ADAMTS13: variants seen among roughly 807,000 people sequenced by gnomAD.
ADAMTS13 encodes the protein A disintegrin and metalloproteinase with thrombospondin motifs 13.
Under a neutral mutation model 155.1 loss-of-function variants are expected in ADAMTS13, and 110 were observed. That is an observed-to-expected ratio of 0.71 (90% CI 0.61 to 0.83). The LOEUF (loss-of-function observed/expected upper bound fraction) is 0.83, where lower values mean the gene tolerates loss of function less well. Among genes scored for constraint, ADAMTS13 ranks in the 40% least tolerant of loss-of-function variants. The probability of loss-of-function intolerance (pLI) is 0.00; values close to 1 mark genes in which losing one functional copy is unlikely to be tolerated. For missense variants in ADAMTS13, 1,707 were observed against 1,891.7 expected (o/e 0.90, Z 1.81); for synonymous variants, 758 against 756.4 (o/e 1.00, Z -0.03).
chr9:133,429,906 ACTGAGCCGGGC>A lies in ADAMTS13; in HGVS notation c.825-19_825-9del, dbSNP rs782170431. On this transcript the variant is annotated intron_variant, in intron 7 of 28. Coordinates refer to ENST00000355699, the MANE Select transcript of ADAMTS13 (RefSeq NM_139027.6). ...GCCTCCTCCCGGTGTACACCCCGGG[ACTGAGCCGGGC>A]CTGAGCCGGGCCTTGTCGCAGCGCA... is the stretch of plus-strand genomic sequence containing the variant. 4.8e-5 allele frequency: 74 copies of A among 1,534,286 alleles called. 1 individual carries two copies. The Admixed American group carries it at 5.1e-4, about 11-fold the overall frequency.
In ADAMTS13 at chr9:133,425,309, T is replaced by C. The variant is rs36218898; in HGVS notation, c.331-220T>C. Among the ~76,000 whole-genome samples, 552 of 152,304 alleles carry C rather than the reference T, an allele frequency of 3.6e-3. 3 individuals carry two copies. The highest frequency in any genetic ancestry group is 0.013 in the African/African-American group (521 of 41,564). ...CCCTTGCTTTGGAGTTTGTTTTCCT[T>C]GCGTTAGTTGGCCTTCCTGAGCCAT... On this transcript the variant is annotated intron_variant, in intron 3 of 28. Coordinates refer to ENST00000355699, the MANE Select transcript of ADAMTS13 (RefSeq NM_139027.6). This position sits in a 1 kb window ranked among gnomAD's most constrained non-coding sequence, Gnocchi z 4.6.
chr9:133,418,137 T>C, upstream of ADAMTS13: 1 of 445,852 alleles, frequency 2.2e-6, no homozygotes, highest in Non-Finnish European at 4.0e-6. Context: ...GCCGCCGCCT[T>C]AGCCAGCGGC....
chr9:133,437,807 T>G lies in ADAMTS13; in HGVS notation c.1494T>G (p.Arg498=). 6.2e-7 allele frequency: 1 copy of G among 1,614,004 alleles called. No individual in the cohort carries two copies. The highest frequency in any genetic ancestry group is 2.2e-5 in the East Asian group (1 of 44,876). Residue 498 remains arginine (R), a synonymous_variant, in exon 13 of 29, where the codon CGT becomes CGG. Coordinates refer to ENST00000355699, the MANE Select transcript of ADAMTS13 (RefSeq NM_139027.6). ...RAIGESFIMK[R]GDSFLDGTRC... ...TTGGCGAGAGCTTCATCATGAAGCG[T>G]GGAGACAGCTTCCTCGATGGGACCC...
At chr9:133,450,716 C>A (rs1842386129) in intron 23 of ADAMTS13, among the ~76,000 whole-genome samples, 1 of 152,214 alleles carries the variant, frequency 6.6e-6, no homozygotes, top group South Asian at 2.1e-4. Context: ...GCCGCTGGCA[C>A]TCCAGCCTGG....
In ADAMTS13 at chr9:133,433,227, G is replaced by A. The variant is rs117724903; in HGVS notation, c.1093-151G>A. On this transcript the variant is annotated intron_variant, in intron 9 of 28. Transcript: ENST00000355699. Reference sequence around the variant, plus strand: ...TGTGTGTTGGGGGATCCCTATGGGTGAGTTCCTTGTGTGTGTTTGGGGGTC... The same window carrying A: ...TGTGTGTTGGGGGATCCCTATGGGTAAGTTCCTTGTGTGTGTTTGGGGGTC... The A allele has an allele frequency of 4.6e-3, 4,794 of 1,033,568 alleles. 182 individuals carry two copies. In the East Asian group the frequency reaches 0.092, roughly 20 times the overall value. 64.0% of individuals were successfully genotyped at this position (1,033,568 alleles called of 1,614,324 possible). A position where few individuals can be genotyped will look rare whatever the true frequency, so the allele number is the denominator to read the frequency against.
Position 133,426,351 on chromosome 9 carries a change from T to G in ADAMTS13, c.686+6T>G. On this transcript the variant is annotated splice_donor_region_variant and intron_variant, in intron 6 of 28. Coordinates refer to ENST00000355699, the MANE Select transcript of ADAMTS13 (RefSeq NM_139027.6). ...GCCCATGAGATTGGGCACAGGTATG[T>G]AGCCCCACCAGCTGTCCCCAGGATC... The G allele has an allele frequency of 6.3e-7, 1 of 1,599,842 alleles. No homozygotes were observed. Among genetic ancestry groups the G allele is most frequent in the Non-Finnish European group, 8.5e-7 (1 of 1,179,922 alleles).
At chr9:133,422,934 CTTT>C (rs71281254) in intron 1 of ADAMTS13, among the ~76,000 whole-genome samples, 164 bp from the exon 2 acceptor site, 9 of 93,218 alleles carry the variant, frequency 9.7e-5, no homozygotes, top group Middle Eastern at 6.7e-3. Context: ...CTCTCTCTCT[CTTT>C]TTTTTTTTTT....
chr9:133,433,580 C>T, intron 10 of ADAMTS13, 51 bp downstream of exon 10: 1 of 1,613,700 alleles, frequency 6.2e-7, no homozygotes, highest in Non-Finnish European at 8.5e-7. Flanking sequence ...ATACCATAGT[C>T]CCTAGTTGAA....
Position 133,429,972 on chromosome 9 carries a change from G to T in ADAMTS13, c.858G>T (p.Pro286=). The T allele has an allele frequency of 1.9e-6, 3 of 1,544,220 alleles. No individual in the cohort carries two copies. The highest frequency in any genetic ancestry group is 2.6e-6 in the Non-Finnish European group (3 of 1,149,488). Residue 286 remains proline, a synonymous_variant, in exon 8 of 29, where the codon CCG becomes CCT. Transcript: ENST00000355699. ...GGGCGCGCTGCGTGTGGGACCCGCC[G>T]CGGCCTCAACCCGGGTCCGCGGGGC... ...AGRARCVWDP[P]RPQPGSAGHP...
rs1554796199 is a variant in ADAMTS13, at chr9:133,456,812, G to A, written c.3724+93G>A. On this transcript the variant is annotated intron_variant, in intron 27 of 28. Transcript: ENST00000355699. This position sits in a 1 kb window ranked among gnomAD's most constrained non-coding sequence, Gnocchi z 4.4. ...CTGGGGATGGGGCCAGTCCCAGTGG[G>A]GCAGTGGGAAGATACGGAGGGAACT... is the stretch of plus-strand genomic sequence containing the variant. 1 of 1,448,080 alleles carries A rather than the reference G, an allele frequency of 6.9e-7. No individual in the cohort carries two copies. The allele number at this position is 1,448,080 out of a possible 1,614,324, so 89.7% of individuals were successfully genotyped here.
intron 1 of ADAMTS13, chr9:133,414,794 T>G: frequency 1.9e-6 from 3 of 1,614,180 alleles, no homozygotes; most frequent in Non-Finnish European, 2.5e-6. Context: ...TCCACTGGCC[T>G]TGGTGCGAGG....
chr9:133,425,155 T>C lies in ADAMTS13; in HGVS notation c.331-374T>C, dbSNP rs1002818577. ...GCCTGGCCAACATGGTGAAACCCCG[T>C]AGCTACTAAAAATACAAAACTTAGC... is the stretch of plus-strand genomic sequence containing the variant. On this transcript the variant is annotated intron_variant, in intron 3 of 28. Coordinates refer to ENST00000355699, the MANE Select transcript of ADAMTS13 (RefSeq NM_139027.6). The surrounding 1 kb of genome is among the most constrained non-coding windows in gnomAD (Gnocchi z 4.6). Among the ~76,000 whole-genome samples the C allele has an allele frequency of 2.0e-5, 3 of 152,182 alleles. No homozygotes were observed. Among genetic ancestry groups the C allele is most frequent in the African/African-American group, 7.2e-5 (3 of 41,448 alleles).
In ADAMTS13 at chr9:133,438,288, G is replaced by A. The variant is rs1841401892; in HGVS notation, c.1627G>A (p.Asp543Asn). Reference sequence around the variant, plus strand: ...TAGGATGGACTCCCAGCAGGTATGGGACAGGTGCCAGGTGTGTGGTGGGGA... The same window carrying A: ...TAGGATGGACTCCCAGCAGGTATGGAACAGGTGCCAGGTGTGTGGTGGGGA... The part of the protein sequence containing the change: ...DGRMDSQQVW[D>N]RCQVCGGDNS... Residue 543 changes from aspartate (D) to asparagine (N), a missense_variant, in exon 14 of 29, where the codon GAC (aspartate) becomes AAC (asparagine). Physicochemically the swap from Asp to Asn is conservative, Grantham distance 23 (BLOSUM62 1). Around this residue, in one of 3 missense-constraint regions of ADAMTS13, gnomAD observed 13 missense variants for 34.2 expected, o/e 0.38. Coordinates refer to ENST00000355699, the MANE Select transcript of ADAMTS13 (RefSeq NM_139027.6). 1 of 1,614,020 alleles carries A rather than the reference G, an allele frequency of 6.2e-7. No individual in the cohort carries two copies. Among genetic ancestry groups the A allele is most frequent in the South Asian group, 1.1e-5 (1 of 91,082 alleles).
At position 133,456,199 on chromosome 9, in the gene ADAMTS13, T is replaced by C. The variant is rs782703594; in HGVS notation, c.3531T>C (p.Ser1177=). 3 of 1,613,546 alleles carry C rather than the reference T, an allele frequency of 1.9e-6. No individual in the cohort carries two copies. Among genetic ancestry groups the C allele is most frequent in the Non-Finnish European group, 2.5e-6 (3 of 1,180,026 alleles). Residue 1177 remains serine (S), a synonymous_variant, in exon 26 of 29, where the codon TCT becomes TCC. Transcript: ENST00000355699. This position sits in a 1 kb window ranked among gnomAD's most constrained non-coding sequence, Gnocchi z 4.4. ...TGACCCTCCGCGTCCTTGAGAGTTC[T>C]CTCAACTGCAGTGCGGGTATGTCTA... ...EVVTLRVLES[S]LNCSAGDMLL...
chr9:133,449,705 A>G, intron 22 of ADAMTS13, 78 bp from the exon 23 acceptor site: 1 of 1,534,752 alleles, frequency 6.5e-7, no homozygotes, highest in Non-Finnish European at 9.0e-7. Context: ...TAGTCTGGGG[A>G]AATGAAGGGG....
chr9:133,414,649 G>C (rs1554781088), intron 1 of ADAMTS13: 1 of 1,611,580 alleles, frequency 6.2e-7, no homozygotes, highest in Non-Finnish European at 8.5e-7. Context: ...TCAGTGGTGA[G>C]GTGGCCCATA....
At chr9:133,453,661 CAAAG>C (rs1842572962) in intron 23 of ADAMTS13, among the ~76,000 whole-genome samples, 1 of 152,092 alleles carries the variant, frequency 6.6e-6, no homozygotes, top group Admixed American at 6.5e-5. Context: ...GACCGTGTCT[CAAAG>C]AAAACCATTA....
At chr9:133,417,736 A>G, upstream of ADAMTS13, 1 of 1,613,492 alleles carries the variant, frequency 6.2e-7, no homozygotes. Context: ...CTTTTCCAAA[A>G]CCTTTTTTTC....
upstream of ADAMTS13, chr9:133,417,645 GAA>G (rs1299188148): frequency 1.1e-5 from 18 of 1,613,830 alleles, no homozygotes; most frequent in Non-Finnish European, 1.4e-5. Context: ...CCAGTTTTGA[GAA>G]AAGTCTTCTG....
Sources: allele counts gnomAD v4.1 joint callset (sites outside exome capture counted in the v4.1 genomes callset), GRCh38; gene constraint gnomAD v4.1.1; regional missense constraint gnomAD v4.1.1; non-coding constraint Gnocchi (gnomAD v3.1); transcripts MANE v1.5; gene names NCBI Gene and HGNC (gene_info 2026-07-23, HGNC 2026-07-21).